Variants in GRID2 observed in about 807,000 individuals in gnomAD.
GRID2 encodes the protein glutamate receptor ionotropic, delta-2.
A neutral mutation model predicts 114.8 loss-of-function variants in GRID2; 33 were observed. The ratio of observed to expected loss-of-function variants is 0.29; its 90% CI spans 0.22 to 0.38. The LOEUF (loss-of-function observed/expected upper bound fraction) is 0.38. Ranked by LOEUF, GRID2 falls within the 10% of genes least tolerant of loss-of-function variation. GRID2 has a pLI of 1.00. For missense variants in GRID2, 1,184 were observed against 1,257.7 expected, an observed-to-expected ratio of 0.94 and a Z score of 0.89; for synonymous variants, 505 against 449.9, an observed-to-expected ratio of 1.12 and a Z score of -1.55.
At chr4:93,495,404 C>G (rs906263474) in intron 12 of GRID2, among the ~76,000 whole-genome samples, 2 of 151,692 alleles carry the variant, frequency 1.3e-5, no homozygotes, top group Non-Finnish European at 2.9e-5. Flanking sequence ...TGAGTATGAT[C>G]TAATTATGCT....
intron 14 of GRID2, among the ~76,000 whole-genome samples, chr4:93,650,903 A>G (rs1201170388): frequency 2.6e-5 from 2 of 77,382 alleles, no homozygotes; most frequent in African/African-American, 7.7e-5. Flanking sequence ...TTTTATATAC[A>G]TACTGCAAAA....
intron 1 of GRID2, among the ~76,000 whole-genome samples, chr4:92,475,868 C>G (rs1225121349): frequency 1.3e-5 from 2 of 151,846 alleles, no homozygotes; most frequent in Non-Finnish European, 2.9e-5. Context: ...TTTCGGTTTA[C>G]AGATCTTTTA....
At chr4:92,536,943 C>T (rs1310249321) in intron 1 of GRID2, among the ~76,000 whole-genome samples, 1 of 152,124 alleles carries the variant, frequency 6.6e-6, no homozygotes, top group East Asian at 1.9e-4. Flanking sequence ...TATAACATAA[C>T]ACGTTCAGGA....
intron 4 of GRID2, among the ~76,000 whole-genome samples, chr4:93,158,093 T>C (rs1737346952): frequency 6.6e-6 from 1 of 151,814 alleles, no homozygotes; most frequent in African/African-American, 2.4e-5. Context: ...CACAGCATTT[T>C]CTTTAAGGTG....
intron 2 of GRID2, among the ~76,000 whole-genome samples, chr4:92,896,663 T>C (rs2149475773): frequency 6.6e-6 from 1 of 152,204 alleles, no homozygotes; most frequent in African/African-American, 2.4e-5. Flanking sequence ...AATTTCTCAG[T>C]TCTTTAAAAC....
chr4:93,005,439 C>T (rs1238345332), intron 2 of GRID2, among the ~76,000 whole-genome samples: 1 of 152,048 alleles, frequency 6.6e-6, no homozygotes, highest in Non-Finnish European at 1.5e-5. Context: ...GCAATAACCT[C>T]CTGCTTCCCC....
At chr4:92,462,439 T>C (rs34797861) in intron 1 of GRID2, among the ~76,000 whole-genome samples, 28,004 of 151,972 alleles carry the variant, frequency 0.18, 3,721 homozygotes, top group African/African-American at 0.38. Flanking sequence ...TTTGTGGCTG[T>C]TGATTTTTTT....
chr4:92,579,014 A>G (rs1728046078), intron 1 of GRID2, among the ~76,000 whole-genome samples: 1 of 152,168 alleles, frequency 6.6e-6, no homozygotes. Flanking sequence ...TATTTAAACA[A>G]CAATATTTTT....
intron 1 of GRID2, among the ~76,000 whole-genome samples, chr4:92,437,471 G>T (rs574660994): frequency 6.6e-6 from 1 of 152,236 alleles, no homozygotes; most frequent in Admixed American, 6.5e-5. Flanking sequence ...GTTTTGCCTT[G>T]TTCCCCAGGC....
intron 14 of GRID2, among the ~76,000 whole-genome samples, chr4:93,748,833 G>A (rs1304647571): frequency 6.6e-6 from 1 of 151,228 alleles, no homozygotes; most frequent in African/African-American, 2.4e-5. Flanking sequence ...TTTTTTTTAT[G>A]TTAAGGAACA....
intron 14 of GRID2, among the ~76,000 whole-genome samples, chr4:93,690,214 C>A (rs1726433090): frequency 6.6e-6 from 1 of 151,822 alleles, no homozygotes; most frequent in Non-Finnish European, 1.5e-5. Context: ...TGTGAAACAA[C>A]CTTGTGGGGG....
chr4:93,765,856 C>A (rs887613055), intron 14 of GRID2, among the ~76,000 whole-genome samples: 1 of 151,698 alleles, frequency 6.6e-6, no homozygotes, highest in African/African-American at 2.4e-5. Context: ...CAAGCCTCTC[C>A]GGTGGAATGT....
intron 14 of GRID2, among the ~76,000 whole-genome samples, chr4:93,744,963 A>T (rs1372780820): frequency 6.6e-6 from 1 of 152,210 alleles, no homozygotes; most frequent in Non-Finnish European, 1.5e-5. Flanking sequence ...GAAAGCTCAG[A>T]TTATTATTAG....
chr4:92,607,368 A>T (rs1275569417), intron 2 of GRID2, among the ~76,000 whole-genome samples: 2 of 151,872 alleles, frequency 1.3e-5, no homozygotes, highest in Non-Finnish European at 2.9e-5. Flanking sequence ...AAATTTCTTA[A>T]TATTTTATTT....
intron 2 of GRID2, among the ~76,000 whole-genome samples, chr4:92,922,152 C>T (rs181504327): frequency 1.7e-4 from 26 of 152,258 alleles, no homozygotes; most frequent in South Asian, 1.0e-3. Flanking sequence ...GAGCCAGGTG[C>T]GGGATATAAT....
At chr4:92,613,181 T>C (rs145967076) in intron 2 of GRID2, among the ~76,000 whole-genome samples, 1 of 151,588 alleles carries the variant, frequency 6.6e-6, no homozygotes, top group East Asian at 1.9e-4. Context: ...GAGGTGATCA[T>C]GTGGTTTTTA....
intron 1 of GRID2, among the ~76,000 whole-genome samples, chr4:92,488,188 T>G (rs917533032): frequency 7.2e-5 from 11 of 152,176 alleles, no homozygotes; most frequent in African/African-American, 2.7e-4. Context: ...GTCAAATGTT[T>G]GGTTAAATTC....
At chr4:93,405,512 A>G (rs1381975161) in intron 9 of GRID2, among the ~76,000 whole-genome samples, 2 of 152,120 alleles carry the variant, frequency 1.3e-5, no homozygotes, top group Admixed American at 1.3e-4. Context: ...TATTTCAGAG[A>G]TGTGTTATCT....
chr4:93,787,745 T>C (rs1370603761), intron 1 of GRID2, among the ~76,000 whole-genome samples: 2 of 152,174 alleles, frequency 1.3e-5, no homozygotes, highest in African/African-American at 4.8e-5. Context: ...TACTGCTTGT[T>C]GAATTATTGA....
Sources: gnomAD v4.1 joint callset for allele counts (sites outside exome capture counted in the v4.1 genomes callset) on GRCh38, gnomAD v4.1.1 for gene constraint, MANE v1.5 for transcripts, NCBI Gene and HGNC (gene_info 2026-07-23, HGNC 2026-07-21) for gene names.